The following RABGAP1 variants were observed in gnomAD, a reference collection of about 807,000 sequenced individuals.
RABGAP1 encodes the protein RAB GTPase activating protein 1.
In RABGAP1, 23 loss-of-function variants were observed where a neutral mutation model predicts 137.6. The ratio of observed to expected loss-of-function variants is 0.17; its 90% CI spans 0.12 to 0.24. The LOEUF is 0.24. Among genes scored for constraint, RABGAP1 ranks in the 10% least tolerant of loss-of-function variants. The pLI is 1.00. For synonymous variants in RABGAP1, 451 were observed against 450.7 expected (o/e 1.00, Z -0.01); for missense variants, 906 against 1,275.8 (o/e 0.71, Z 4.42).
chr9:123,036,769 A>G (rs754034824), intron 13 of RABGAP1, among the ~76,000 whole-genome samples: 5 of 151,336 alleles, frequency 3.3e-5, no homozygotes, highest in East Asian at 3.9e-4. Flanking sequence ...TCTTATTGCT[A>G]TTTTCTCTCT....
At chr9:123,072,598 G>GGTTA (rs1564176936) in intron 15 of RABGAP1, among the ~76,000 whole-genome samples, 1 of 152,130 alleles carries the variant, frequency 6.6e-6, no homozygotes, top group African/African-American at 2.4e-5. Flanking sequence ...CACCACTGTG[G>GGTTA]GTTAGGCCAC....
chr9:123,072,128 C>A (rs889689954), intron 15 of RABGAP1, among the ~76,000 whole-genome samples: 1 of 152,088 alleles, frequency 6.6e-6, no homozygotes, highest in Non-Finnish European at 1.5e-5. Flanking sequence ...TGCATTATAC[C>A]GGTTGAGCAT....
At chr9:123,090,235 A>AT in intron 20 of RABGAP1, 40 bp from the exon 21 acceptor site, 1 of 1,486,840 alleles carries the variant, frequency 6.7e-7, no homozygotes, top group Non-Finnish European at 9.2e-7. Context: ...TTTCCATCTG[A>AT]TTTTTATGTG....
Position 123,103,294 on chromosome 9 carries a change from C to T in RABGAP1, c.*81C>T, listed in dbSNP as rs1454712409. On this transcript the variant is annotated 3_prime_UTR_variant, in exon 26 of 26. Coordinates refer to ENST00000373647, the MANE Select transcript of RABGAP1 (RefSeq NM_012197.4). Reference sequence around the variant, plus strand: ...TTTGGCCAGATGTGTGATTCTGTGACTTGTCCCAGGACCAGAATGTACCTA... The same window carrying T: ...TTTGGCCAGATGTGTGATTCTGTGATTTGTCCCAGGACCAGAATGTACCTA... 17 of 1,576,016 alleles carry T rather than the reference C, an allele frequency of 1.1e-5. No individual in the cohort carries two copies. Among genetic ancestry groups the T allele is most frequent in the Non-Finnish European group, 1.3e-5 (15 of 1,160,800 alleles).
chr9:123,062,289 A>G (rs1363011172), intron 13 of RABGAP1: 1 of 152,202 alleles, frequency 6.6e-6, no homozygotes, highest in Non-Finnish European at 1.5e-5. Flanking sequence ...ATATTGTTGT[A>G]TAAAGCTTAA....
rs59639446 is a variant in RABGAP1 at position 123,047,919 on chromosome 9, G to GTTT, written c.1795-17395_1795-17393dup. Among the ~76,000 whole-genome samples the GTTT allele has an allele frequency of 1.3e-3, 79 of 62,280 alleles. 25 individuals are homozygous for GTTT. Among genetic ancestry groups the GTTT allele is most frequent in the Non-Finnish European group, 2.1e-3 (60 of 28,026 alleles). The allele number at this position is 62,280 out of a possible 152,430, so 40.9% of individuals were successfully genotyped here. The stretch of plus-strand genomic sequence containing the variant: ...TATCTAGCCATTTTACAGCTGCTGG[G>GTTT]TTTTTTTTTTTTTTTTTTTTTTTTT... On this transcript the variant is annotated intron_variant, in intron 13 of 25. Transcript: ENST00000373647.
chr9:123,071,456 G>A (rs905621351), intron 15 of RABGAP1: 3 of 152,214 alleles, frequency 2.0e-5, no homozygotes, highest in African/African-American at 7.2e-5. Flanking sequence ...TGTCAGCAAA[G>A]AGTTTTGAGT....
chr9:122,965,534 C>T (rs893899915), intron 2 of RABGAP1, among the ~76,000 whole-genome samples: 5 of 152,250 alleles, frequency 3.3e-5, no homozygotes, highest in African/African-American at 1.2e-4. Context: ...CAGGCATGCA[C>T]CACCATGCTT....
chr9:123,104,301 C>G lies in RABGAP1; in HGVS notation c.*1088C>G, dbSNP rs748654611. The G allele has an allele frequency of 3.3e-5, 5 of 152,616 alleles. No homozygotes were observed. Among genetic ancestry groups the G allele is most frequent in the African/African-American group, 4.8e-5 (2 of 41,418 alleles). 9.5% of individuals were successfully genotyped at this position (152,616 alleles called of 1,614,324 possible). ...AGGTCTCCATCCTCCGGGCCTGTCC[C>G]TCCCAGATGGGCTGGGCCTTTGGGC... On this transcript the variant is annotated 3_prime_UTR_variant, in exon 26 of 26. Coordinates refer to ENST00000373647, the MANE Select transcript of RABGAP1 (RefSeq NM_012197.4).
chr9:122,967,666 A>G (rs1023573426), intron 2 of RABGAP1, among the ~76,000 whole-genome samples: 2 of 152,138 alleles, frequency 1.3e-5, no homozygotes, highest in Non-Finnish European at 2.9e-5. Flanking sequence ...AGTCATTTAT[A>G]GTACATGGGG....
At chr9:123,002,400 TATATA>T (rs1161462210) in intron 10 of RABGAP1, among the ~76,000 whole-genome samples, 1 of 149,832 alleles carries the variant, frequency 6.7e-6, no homozygotes, top group Non-Finnish European at 1.5e-5. Flanking sequence ...TGAGAATAGT[TATATA>T]ATAATTTTCA....
At chr9:123,062,518 A>T (rs970189279) in intron 13 of RABGAP1, 3 of 152,218 alleles carry the variant, frequency 2.0e-5, no homozygotes, top group African/African-American at 7.2e-5. Context: ...GTTCTTCAGC[A>T]TATTTCCTTA....
At chr9:122,980,277 C>G (rs1409267875) in intron 2 of RABGAP1, among the ~76,000 whole-genome samples, 2 of 152,162 alleles carry the variant, frequency 1.3e-5, no homozygotes, top group African/African-American at 4.8e-5. Context: ...TTTATCCACT[C>G]ATTCATTTTT....
intron 17 of RABGAP1, among the ~76,000 whole-genome samples, chr9:123,074,808 C>G (rs1271550042): frequency 6.6e-6 from 1 of 152,140 alleles, no homozygotes; most frequent in East Asian, 1.9e-4. Context: ...AGTAGCACAC[C>G]AGCCATTATA....
chr9:123,031,774 C>T (rs2032314543), intron 13 of RABGAP1, among the ~76,000 whole-genome samples: 1 of 152,168 alleles, frequency 6.6e-6, no homozygotes, highest in African/African-American at 2.4e-5. Flanking sequence ...TGATTTTAGA[C>T]ATGCTGTGGT....
intron 2 of RABGAP1, among the ~76,000 whole-genome samples, chr9:122,971,260 T>G (rs1835455180): frequency 6.6e-6 from 1 of 152,244 alleles, no homozygotes; most frequent in South Asian, 2.1e-4. Flanking sequence ...CCCACAGGCT[T>G]GCCTTCATGT....
intron 19 of RABGAP1, among the ~76,000 whole-genome samples, chr9:123,078,574 C>T (rs530189106): frequency 1.3e-5 from 2 of 152,180 alleles, no homozygotes; most frequent in Non-Finnish European, 2.9e-5. Flanking sequence ...ATAGATAGAA[C>T]CAAGTGAGTT....
At chr9:122,966,395 A>G (rs1054883575) in intron 2 of RABGAP1, among the ~76,000 whole-genome samples, 1 of 151,978 alleles carries the variant, frequency 6.6e-6, no homozygotes, top group Non-Finnish European at 1.5e-5. Flanking sequence ...ATGGTGGTAC[A>G]GCCTGTAATC....
chr9:123,103,983 G>GTGTGTGTGTA lies in RABGAP1; in HGVS notation c.*779_*780insATGTGTGTGT, dbSNP rs2035423774. On this transcript the variant is annotated 3_prime_UTR_variant, in exon 26 of 26. Coordinates refer to ENST00000373647, the MANE Select transcript of RABGAP1 (RefSeq NM_012197.4). The stretch of plus-strand genomic sequence containing the variant: ...TGTGTTTGTGTGTGTGTGTGTGTGT[G>GTGTGTGTGTA]TGTGTGTGTGTGTATGTATATATAT... The GTGTGTGTGTA allele has an allele frequency of 1.7e-5, 1 of 58,184 alleles. No homozygotes were observed. The allele number at this position is 58,184 out of a possible 1,614,324, so 3.6% of individuals were successfully genotyped here.
Sources: gnomAD v4.1 joint callset for allele counts (sites outside exome capture counted in the v4.1 genomes callset) on GRCh38, gnomAD v4.1.1 for gene constraint, MANE v1.5 for transcripts, NCBI Gene and HGNC (gene_info 2026-07-23, HGNC 2026-07-21) for gene names.